ARFGEF3: variants seen among roughly 807,000 people sequenced by gnomAD.
ARFGEF3 encodes the protein brefeldin A-inhibited guanine nucleotide-exchange protein 3.
In ARFGEF3, 96 loss-of-function variants were observed where a neutral mutation model predicts 221.7. That is an observed-to-expected ratio of 0.43 (90% confidence interval 0.37 to 0.51). ARFGEF3 has a LOEUF of 0.51. ARFGEF3 is among the 20% of genes least tolerant of loss of function. The probability of loss-of-function intolerance (pLI) is 0.00; values close to 1 mark genes in which losing one functional copy is unlikely to be tolerated. For missense variants in ARFGEF3, 2,410 were observed against 2,789.9 expected (o/e 0.86, Z 3.07); for synonymous variants, 1,145 against 1,126.8 (o/e 1.02, Z -0.32).
At chr6:138,186,665 A>G (rs2114459024) in intron 2 of ARFGEF3, among the ~76,000 whole-genome samples, 1 of 152,286 alleles carries the variant, frequency 6.6e-6, no homozygotes, top group Non-Finnish European at 1.5e-5. Context: ...ACTGAGGAGA[A>G]GGCTGCTCAC....
rs1178018013 is a variant in ARFGEF3, at chr6:138,341,062, G to A, written c.*4576G>A. ...AAAACTCACTGAATTAGGTGGAAAT[G>A]ATGGAATAATACTATTCATGGCCAG... On this transcript the variant is annotated 3_prime_UTR_variant, in exon 34 of 34. Coordinates refer to ENST00000251691, the MANE Select transcript of ARFGEF3 (RefSeq NM_020340.5). The A allele has an allele frequency of 6.6e-6, 1 of 152,328 alleles. No individual in the cohort carries two copies. The highest frequency in any genetic ancestry group is 1.9e-4 in the East Asian group (1 of 5,192). The allele number at this position is 152,328 out of a possible 1,614,324, so 9.4% of individuals were successfully genotyped here.
At chr6:138,298,460 G>A in intron 21 of ARFGEF3, 146 bp from the exon 22 acceptor site, 1 of 610,364 alleles carries the variant, frequency 1.6e-6, no homozygotes, top group Non-Finnish European at 2.8e-6. Flanking sequence ...TATGCAGTTT[G>A]TTTAGACTTA....
At chr6:138,209,713 G>T (rs1777686065) in intron 3 of ARFGEF3, among the ~76,000 whole-genome samples, 197 bp from the exon 4 acceptor site, 1 of 152,150 alleles carries the variant, frequency 6.6e-6, no homozygotes, top group African/African-American at 2.4e-5. Context: ...CTCCCAAAGT[G>T]CTGGGATTAC....
chr6:138,246,906 GGAT>G (rs1562366459), intron 8 of ARFGEF3, among the ~76,000 whole-genome samples: 1 of 151,756 alleles, frequency 6.6e-6, no homozygotes, highest in African/African-American at 2.4e-5. Context: ...GTGAGATGAT[GGAT>G]ATGTTAATTT....
chr6:138,218,283 A>G, intron 4 of ARFGEF3: 4 of 1,600,282 alleles, frequency 2.5e-6, no homozygotes, highest in Non-Finnish European at 3.4e-6. Flanking sequence ...TGGAGCTAGA[A>G]TGCCTGGTAG....
intron 8 of ARFGEF3, among the ~76,000 whole-genome samples, chr6:138,245,940 T>C (rs1778478519): frequency 6.6e-6 from 1 of 152,178 alleles, no homozygotes; most frequent in African/African-American, 2.4e-5. Flanking sequence ...CTCAGCTGTG[T>C]CCCGGTGCCT....
chr6:138,259,307 A>G (rs1778744527), intron 10 of ARFGEF3, among the ~76,000 whole-genome samples: 1 of 152,246 alleles, frequency 6.6e-6, no homozygotes, highest in Admixed American at 6.5e-5. Flanking sequence ...TCACTCTGCC[A>G]TATGCACTGT....
chr6:138,256,873 C>T (rs1040893965), intron 10 of ARFGEF3, among the ~76,000 whole-genome samples: 2 of 152,064 alleles, frequency 1.3e-5, no homozygotes, highest in African/African-American at 4.8e-5. Flanking sequence ...CAGCATGGAC[C>T]TCCTATGTTC....
At chr6:138,234,201 A>G (rs1778243452) in intron 5 of ARFGEF3, among the ~76,000 whole-genome samples, 1 of 152,108 alleles carries the variant, frequency 6.6e-6, no homozygotes, top group Admixed American at 6.5e-5. Flanking sequence ...TTCTCAGCCA[A>G]CCTTCTGTAG....
At chr6:138,186,191 T>TA (rs1777178673) in intron 2 of ARFGEF3, among the ~76,000 whole-genome samples, 1 of 152,202 alleles carries the variant, frequency 6.6e-6, no homozygotes, top group African/African-American at 2.4e-5. Context: ...AGAAGACACA[T>TA]ATGCCACTAC....
rs1780122899 is a variant in ARFGEF3, at chr6:138,326,136, C to CA, written c.5002-1884dup. Among the ~76,000 whole-genome samples the CA allele has an allele frequency of 2.0e-5, 3 of 151,878 alleles. No homozygotes were observed. In the East Asian group the frequency reaches 5.9e-4, roughly 30 times the overall value. ...CCTCCCAAAGTGCTGGGATTACAGG[C>CA]ATGAGCCACTGCACCTGGCCCATCT... On this transcript the variant is annotated intron_variant, in intron 31 of 33. Transcript: ENST00000251691.
Position 138,336,667 on chromosome 6 carries a change from G to T in ARFGEF3, c.*181G>T. ...TGATCAGCATTGGGGCCATACTAAG[G>T]TTTGTATCTAGATGACACAAACGAT... On this transcript the variant is annotated 3_prime_UTR_variant, in exon 34 of 34. Coordinates refer to ENST00000251691, the MANE Select transcript of ARFGEF3 (RefSeq NM_020340.5). 2.2e-6 allele frequency: 1 copy of T among 445,314 alleles called. No individual in the cohort carries two copies. The highest frequency in any genetic ancestry group is 3.9e-6 in the Non-Finnish European group (1 of 253,916). The allele number at this position is 445,314 out of a possible 1,614,324, so 27.6% of individuals were successfully genotyped here.
At chr6:138,181,218 G>A (rs1777074058) in intron 2 of ARFGEF3, among the ~76,000 whole-genome samples, 1 of 152,098 alleles carries the variant, frequency 6.6e-6, no homozygotes, top group African/African-American at 2.4e-5. Flanking sequence ...CTTAAAAAAT[G>A]AGTGCATAAG....
chr6:138,195,702 G>A (rs1777404022), intron 2 of ARFGEF3, among the ~76,000 whole-genome samples: 1 of 152,152 alleles, frequency 6.6e-6, no homozygotes, highest in African/African-American at 2.4e-5. Context: ...GCTATTATCT[G>A]TGACTATTTT....
chr6:138,320,361 C>G (rs773625817), intron 28 of ARFGEF3, among the ~76,000 whole-genome samples: 13 of 152,080 alleles, frequency 8.5e-5, no homozygotes, highest in Non-Finnish European at 1.8e-4. Context: ...AGAGAAATTT[C>G]TTAATATTGA....
chr6:138,333,413 G>C (rs558359401), intron 32 of ARFGEF3, among the ~76,000 whole-genome samples: 31 of 151,978 alleles, frequency 2.0e-4, no homozygotes, highest in African/African-American at 7.5e-4. Context: ...CTATTAATTT[G>C]GCATAATAAC....
intron 23 of ARFGEF3, 101 bp from the exon 24 acceptor site, chr6:138,308,638 C>A: frequency 7.7e-7 from 1 of 1,293,012 alleles, no homozygotes; most frequent in South Asian, 1.3e-5. Context: ...AGATCTTTCT[C>A]AAGATCTGTC....
At chr6:138,189,860 G>A (rs1046575219) in intron 2 of ARFGEF3, among the ~76,000 whole-genome samples, 7 of 151,996 alleles carry the variant, frequency 4.6e-5, no homozygotes, top group African/African-American at 1.7e-4. Flanking sequence ...AGGGAGGATC[G>A]CTTGAGCCCA....
At chr6:138,287,213 G>C (rs946848089) in intron 17 of ARFGEF3, 29 bp downstream of exon 17, 46 of 1,510,372 alleles carry the variant, frequency 3.0e-5, no homozygotes, top group Non-Finnish European at 4.0e-5. Flanking sequence ...GAACCCACCT[G>C]GTGCCTTGGG....
Sources: gnomAD v4.1 joint callset for allele counts (sites outside exome capture counted in the v4.1 genomes callset) on GRCh38, gnomAD v4.1.1 for gene constraint, MANE v1.5 for transcripts, NCBI Gene and HGNC (gene_info 2026-07-23, HGNC 2026-07-21) for gene names.